The following BCL7C variants were observed in gnomAD, a reference collection of about 807,000 sequenced individuals.
BCL7C encodes the protein B-cell CLL/lymphoma 7 protein family member C.
A neutral mutation model predicts 26.2 loss-of-function variants in BCL7C; 8 were observed. The ratio of observed to expected loss-of-function variants is 0.30; its 90% confidence interval spans 0.18 to 0.55. The LOEUF (loss-of-function observed/expected upper bound fraction) is 0.55. Ranked by LOEUF, BCL7C falls within the 20% of genes least tolerant of loss-of-function variation. The probability of loss-of-function intolerance (pLI) is 0.93; values close to 1 mark genes in which losing one functional copy is unlikely to be tolerated. For missense variants in BCL7C, 262 were observed against 298.5 expected (o/e 0.88, Z 0.90); for synonymous variants, 90 against 116.5 (o/e 0.77, Z 1.47).
chr16:30,834,853 G>A lies in BCL7C; in HGVS notation c.*95C>T, dbSNP rs2054559797. On this transcript the variant is annotated 3_prime_UTR_variant, in exon 6 of 6. Transcript: ENST00000380317. The surrounding 1 kb of genome is among the most constrained non-coding windows in gnomAD (Gnocchi z 4.3). The stretch of plus-strand genomic sequence containing the variant: ...CCGATGTTACCGCGGTGGGTGAGCT[G>A]GGAAGCTCTTTCCGCCCTCGGGGCA... 4.0e-6 allele frequency: 5 copies of A among 1,253,562 alleles called. No individual in the cohort carries two copies. In the Admixed American group the frequency reaches 8.9e-5, roughly 22 times the overall value. The allele number at this position is 1,253,562 out of a possible 1,614,324, so 77.7% of individuals were successfully genotyped here.
At chr16:30,874,120 C>G (rs1024635546) in intron 5 of BCL7C, among the ~76,000 whole-genome samples, 11 of 150,948 alleles carry the variant, frequency 7.3e-5, no homozygotes, top group Non-Finnish European at 1.5e-4. Context: ...CTCAGCCTCC[C>G]GAGTAGCTGG....
At chr16:30,878,611 G>A (rs1036548483) in intron 5 of BCL7C, among the ~76,000 whole-genome samples, 22 of 151,980 alleles carry the variant, frequency 1.4e-4, no homozygotes, top group African/African-American at 5.1e-4. Context: ...CTGGGAGGCC[G>A]AGGTGGGTGG....
Position 30,893,116 on chromosome 16 carries a change from T to C in BCL7C, c.171+96A>G. The C allele has an allele frequency of 7.4e-7, 1 of 1,357,250 alleles. No individual in the cohort carries two copies. The highest frequency in any genetic ancestry group is 1.4e-5 in the African/African-American group (1 of 69,260). The allele number at this position is 1,357,250 out of a possible 1,614,324, so 84.1% of individuals were successfully genotyped here. On this transcript the variant is annotated intron_variant, in intron 2 of 5. Coordinates refer to ENST00000215115, the MANE Select transcript of BCL7C (RefSeq NM_004765.4). The surrounding 1 kb of genome is among the most constrained non-coding windows in gnomAD (Gnocchi z 5.2). ...TGGTTCCCGTCTGTCCTGCTGCATC[T>C]GAGGTCTCGGGGAGCTGGAGGTAGA...
intron 5 of BCL7C, among the ~76,000 whole-genome samples, chr16:30,848,540 T>TC (rs753927129): frequency 3.3e-5 from 5 of 152,204 alleles, no homozygotes; most frequent in Non-Finnish European, 7.3e-5. Context: ...GGCAGTGTAC[T>TC]CCAATATTTC....
chr16:30,851,608 TG>T, intron 5 of BCL7C: 1 of 476,324 alleles, frequency 2.1e-6, no homozygotes, highest in East Asian at 3.6e-5. Flanking sequence ...CCCTTTCTGT[TG>T]AGCAGTGCCA....
At chr16:30,857,843 C>T (rs961103977) in intron 5 of BCL7C, among the ~76,000 whole-genome samples, 1 of 151,082 alleles carries the variant, frequency 6.6e-6, no homozygotes, top group Admixed American at 6.6e-5. Flanking sequence ...TGGTTGTGCA[C>T]GCCTGTAATC....
intron 5 of BCL7C, among the ~76,000 whole-genome samples, chr16:30,867,358 G>A (rs2054837931): frequency 6.6e-6 from 1 of 152,020 alleles, no homozygotes; most frequent in Admixed American, 6.6e-5. Flanking sequence ...GCAGAATAAT[G>A]GCCATTATTC....
intron 5 of BCL7C, among the ~76,000 whole-genome samples, chr16:30,853,287 G>T (rs2054692523): frequency 6.6e-6 from 1 of 151,894 alleles, no homozygotes; most frequent in East Asian, 1.9e-4. Context: ...AAACTTTTTT[G>T]TTAAAAACTA....
chr16:30,859,254 C>T (rs915011681), intron 5 of BCL7C, among the ~76,000 whole-genome samples: 1 of 152,160 alleles, frequency 6.6e-6, no homozygotes, highest in Admixed American at 6.5e-5. Context: ...TCAGCTTAGA[C>T]GGTGGAGGAT....
chr16:30,860,195 G>A (rs1433002794), intron 5 of BCL7C, among the ~76,000 whole-genome samples: 3 of 152,204 alleles, frequency 2.0e-5, no homozygotes, highest in Non-Finnish European at 2.9e-5. Context: ...TCACGGACTC[G>A]GGAAGACAGT....
chr16:30,892,532 T>C, intron 4 of BCL7C, 54 bp downstream of exon 4: 1 of 1,509,416 alleles, frequency 6.6e-7, no homozygotes, highest in Non-Finnish European at 8.8e-7. Flanking sequence ...TAGGTTAGAC[T>C]CTGGAGAAGA....
intron 5 of BCL7C, among the ~76,000 whole-genome samples, chr16:30,867,436 G>A (rs1488444794): frequency 1.3e-5 from 2 of 152,076 alleles, no homozygotes; most frequent in Non-Finnish European, 2.9e-5. Context: ...ATGGTGAAGG[G>A]ATTTTGCAGG....
At chr16:30,853,977 C>A (rs374092831) in intron 5 of BCL7C, among the ~76,000 whole-genome samples, 1 of 152,134 alleles carries the variant, frequency 6.6e-6, no homozygotes, top group Non-Finnish European at 1.5e-5. Flanking sequence ...GCATTCATAC[C>A]GCATGGTGAC....
intron 5 of BCL7C, among the ~76,000 whole-genome samples, chr16:30,843,874 T>A (rs770181058): frequency 5.7e-4 from 86 of 151,322 alleles, no homozygotes; most frequent in Non-Finnish European, 1.2e-3. Flanking sequence ...ACCTCATCTC[T>A]ACTAAAAATA....
intron 5 of BCL7C, among the ~76,000 whole-genome samples, chr16:30,849,462 G>GT (rs1356949445): frequency 2.0e-5 from 3 of 151,318 alleles, no homozygotes; most frequent in South Asian, 2.1e-4. Context: ...CCCGTTTTTT[G>GT]TTTTTTTGAG....
intron 5 of BCL7C, chr16:30,851,498 C>G (rs2151364294): frequency 4.3e-6 from 1 of 233,924 alleles, no homozygotes; most frequent in East Asian, 9.3e-5. Flanking sequence ...CCTTGGCCTC[C>G]CAAAATGTTG....
intron 5 of BCL7C, among the ~76,000 whole-genome samples, chr16:30,867,806 T>A (rs1392415060): frequency 1.3e-5 from 2 of 151,650 alleles, no homozygotes; most frequent in Non-Finnish European, 2.9e-5. Flanking sequence ...AAGAAAAAAA[T>A]AAAATAAAAT....
intron 5 of BCL7C, among the ~76,000 whole-genome samples, chr16:30,856,150 T>A (rs2054719772): frequency 6.7e-6 from 1 of 150,310 alleles, no homozygotes; most frequent in Non-Finnish European, 1.5e-5. Flanking sequence ...AGTGACATTT[T>A]AAAAACCAAA....
At chr16:30,881,414 A>G (rs936527353) in intron 5 of BCL7C, among the ~76,000 whole-genome samples, 1 of 151,936 alleles carries the variant, frequency 6.6e-6, no homozygotes, top group Non-Finnish European at 1.5e-5. Context: ...ACACACACAC[A>G]CACACACACA....
Sources: gnomAD v4.1 joint callset for allele counts (sites outside exome capture counted in the v4.1 genomes callset) on GRCh38, gnomAD v4.1.1 for gene constraint, Gnocchi (gnomAD v3.1) non-coding constraint, MANE v1.5 for transcripts, NCBI Gene and HGNC (gene_info 2026-07-23, HGNC 2026-07-21) for gene names.